The following RAB38 variants were observed in gnomAD, a reference collection of about 807,000 sequenced individuals.
The protein encoded by RAB38 is ras-related protein Rab-38.
A neutral mutation model predicts 18.4 loss-of-function variants in RAB38; 15 were observed. The ratio of observed to expected loss-of-function variants is 0.82; its 90% CI spans 0.55 to 1.26. RAB38 has a LOEUF of 1.26. Ranked by LOEUF, RAB38 falls within the 50% of genes most tolerant of loss-of-function variation. The pLI is 0.00. For missense variants in RAB38, 294 were observed against 267.4 expected, an observed-to-expected ratio of 1.10 and a Z score of -0.69; for synonymous variants, 101 against 104.4, an observed-to-expected ratio of 0.97 and a Z score of 0.20.
At chr11:88,006,128 C>A in the RAB38 span, among the ~76,000 whole-genome samples, 1 of 150,874 alleles carries the variant, frequency 6.6e-6, no homozygotes, top group Non-Finnish European at 1.5e-5. Context: ...CCTGAATAGA[C>A]ATTTTTCCAG....
At chr11:88,104,378 T>G in the RAB38 span, among the ~76,000 whole-genome samples, 33,905 of 151,982 alleles carry the variant, frequency 0.22, 5,540 homozygotes, top group African/African-American at 0.43. Context: ...ATCTTGAAAA[T>G]TGGTGCCATC....
At chr11:87,897,310 A>C in the RAB38 span, among the ~76,000 whole-genome samples, 1 of 151,562 alleles carries the variant, frequency 6.6e-6, no homozygotes, top group Non-Finnish European at 1.5e-5. Flanking sequence ...CTATTTGAAA[A>C]ATTGTAAATA....
At chr11:88,029,207 C>T in the RAB38 span, among the ~76,000 whole-genome samples, 3 of 151,646 alleles carry the variant, frequency 2.0e-5, no homozygotes, top group Non-Finnish European at 4.4e-5. Flanking sequence ...CCAGGCCTGC[C>T]CTAAAAGAGC....
At position 88,136,167 on chromosome 11, in the gene RAB38, G is replaced by A. The variant is rs138363489; in HGVS notation, c.483+13508C>T. Among the ~76,000 whole-genome samples, 341 of 152,260 alleles carry A rather than the reference G, an allele frequency of 2.2e-3. 1 individual carries two copies. The highest frequency in any genetic ancestry group is 7.8e-3 in the African/African-American group (324 of 41,548). ...GCTAACCCAGCCTTTGAGCACTCCC[G>A]TAGCATGTTAGGTCCACAGACAGGC... On this transcript the variant is annotated intron_variant, in intron 2 of 2. Coordinates refer to ENST00000243662, the MANE Select transcript of RAB38 (RefSeq NM_022337.3).
chr11:88,018,638 G>T, the RAB38 span, among the ~76,000 whole-genome samples: 2 of 152,080 alleles, frequency 1.3e-5, no homozygotes, highest in Non-Finnish European at 2.9e-5. Context: ...ATGGGGGATT[G>T]GTTCCAGGAC....
the RAB38 span, among the ~76,000 whole-genome samples, chr11:88,052,974 T>C: frequency 1.6e-5 from 2 of 124,018 alleles, no homozygotes; most frequent in East Asian, 4.5e-4. Context: ...ATGATATATA[T>C]GTTATATATA....
intron 1 of RAB38, among the ~76,000 whole-genome samples, chr11:88,156,848 G>C (rs1445307701): frequency 2.6e-5 from 4 of 152,142 alleles, no homozygotes; most frequent in Admixed American, 2.6e-4. Flanking sequence ...TTCTAAATAT[G>C]GCAATGAAAA....
chr11:87,927,659 T>C, the RAB38 span, among the ~76,000 whole-genome samples: 4 of 152,046 alleles, frequency 2.6e-5, no homozygotes, highest in Non-Finnish European at 4.4e-5. Flanking sequence ...TAAGGAAGAA[T>C]ACTAGATTTA....
At chr11:87,813,499 T>TCACACACACA in the RAB38 span, among the ~76,000 whole-genome samples, 1,178 of 146,938 alleles carry the variant, frequency 8.0e-3, 4 homozygotes, top group East Asian at 0.018. Flanking sequence ...ATCATACACA[T>TCACACACACA]CACACACACA....
the RAB38 span, among the ~76,000 whole-genome samples, chr11:87,834,534 G>A: frequency 6.6e-6 from 1 of 152,194 alleles, no homozygotes; most frequent in East Asian, 1.9e-4. Context: ...TGGCAGAGAT[G>A]AAGAAATGGG....
the RAB38 span, among the ~76,000 whole-genome samples, chr11:87,931,592 G>A: frequency 6.6e-6 from 1 of 152,014 alleles, no homozygotes; most frequent in African/African-American, 2.4e-5. Context: ...TGAACACCAG[G>A]CACACTGGCA....
intron 2 of RAB38, among the ~76,000 whole-genome samples, chr11:88,138,120 C>A (rs1386326): frequency 0.85 from 129,792 of 152,094 alleles, 55,667 homozygotes; most frequent in Middle Eastern, 0.93. Flanking sequence ...TGTCAAAGCA[C>A]AGTCCCAGGA....
At chr11:87,907,670 C>T in the RAB38 span, among the ~76,000 whole-genome samples, 2 of 151,194 alleles carry the variant, frequency 1.3e-5, no homozygotes. Flanking sequence ...ATATTTTAGT[C>T]ACATGCAATA....
the RAB38 span, among the ~76,000 whole-genome samples, chr11:87,837,154 G>T: frequency 6.6e-6 from 1 of 152,060 alleles, no homozygotes; most frequent in African/African-American, 2.4e-5. Context: ...ATTTTGTAAC[G>T]CCATTCTCTT....
At chr11:87,966,293 T>C in the RAB38 span, among the ~76,000 whole-genome samples, 3 of 152,130 alleles carry the variant, frequency 2.0e-5, no homozygotes, top group African/African-American at 7.2e-5. Context: ...ACAAGAACAT[T>C]GGATCAAGTC....
At chr11:87,959,628 G>C in the RAB38 span, among the ~76,000 whole-genome samples, 2 of 152,278 alleles carry the variant, frequency 1.3e-5, no homozygotes, top group African/African-American at 4.8e-5. Flanking sequence ...CCTCCCACCA[G>C]TTATAGCCAA....
intron 1 of RAB38, among the ~76,000 whole-genome samples, chr11:88,155,578 CA>C (rs1453606457): frequency 1.8e-4 from 27 of 152,002 alleles, no homozygotes; most frequent in Non-Finnish European, 3.7e-4. Flanking sequence ...TTAGAAGTGC[CA>C]AAATTTCCAA....
At chr11:88,106,188 GA>G in the RAB38 span, among the ~76,000 whole-genome samples, 2 of 151,556 alleles carry the variant, frequency 1.3e-5, no homozygotes, top group South Asian at 4.2e-4. Context: ...ATCACAGAGA[GA>G]AAAAAAAGAA....
chr11:88,141,567 A>T (rs1942913402), intron 2 of RAB38, among the ~76,000 whole-genome samples: 1 of 152,218 alleles, frequency 6.6e-6, no homozygotes, highest in Non-Finnish European at 1.5e-5. Context: ...AAATATGGTC[A>T]TCCTTTGATT....
Sources: allele counts gnomAD v4.1 joint callset (sites outside exome capture counted in the v4.1 genomes callset), GRCh38; gene constraint gnomAD v4.1.1; transcripts MANE v1.5; gene names NCBI Gene and HGNC (gene_info 2026-07-23, HGNC 2026-07-21).